CASTOR2: variants seen among roughly 807,000 people sequenced by gnomAD.
CASTOR2 encodes cytosolic arginine sensor for mTORC1 subunit 2.
Under a neutral mutation model 31.2 loss-of-function variants are expected in CASTOR2, and 8 were observed. The observed-to-expected ratio is 0.26, with a 90% CI of 0.15 to 0.46. The LOEUF (loss-of-function observed/expected upper bound fraction) is 0.46, where lower values mean the gene tolerates loss of function less well. CASTOR2 is among the 20% of genes least tolerant of loss of function. The pLI is 0.99. For synonymous variants in CASTOR2, 162 were observed against 158.7 expected (o/e 1.02, Z -0.16); for missense variants, 216 against 382.1 (o/e 0.57, Z 3.62).
chr7:75,005,657 G>C (rs1305618689), intron 1 of CASTOR2, among the ~76,000 whole-genome samples: 1 of 152,210 alleles, frequency 6.6e-6, no homozygotes, highest in Non-Finnish European at 1.5e-5. Context: ...CCAGGAGCAG[G>C]ATAGCTGAGG....
chr7:74,995,378 G>A (rs1424132652), intron 1 of CASTOR2, among the ~76,000 whole-genome samples: 3 of 151,622 alleles, frequency 2.0e-5, no homozygotes, highest in Non-Finnish European at 2.9e-5. Context: ...TGGACAGGTC[G>A]GGCACAGTGG....
chr7:75,031,456 T>G lies in CASTOR2; in HGVS notation c.*6757T>G, dbSNP rs1396705764. Among the ~76,000 whole-genome samples the G allele has an allele frequency of 2.0e-5, 3 of 151,960 alleles. No homozygotes were observed. The highest frequency in any genetic ancestry group is 4.4e-5 in the Non-Finnish European group (3 of 67,996). On this transcript the variant is annotated 3_prime_UTR_variant, in exon 9 of 9. Transcript: ENST00000616305. ...GTACTGTATGTTGGAGAAAAAAAAT[T>G]ACCTAATGTTCCCCCAAAAAAGACA...
intron 1 of CASTOR2, among the ~76,000 whole-genome samples, chr7:75,000,810 C>T (rs1376236005): frequency 6.6e-6 from 1 of 152,098 alleles, no homozygotes; most frequent in African/African-American, 2.4e-5. Flanking sequence ...TGTGCACCAC[C>T]ACACCTGGCT....
chr7:75,017,815 C>A, intron 3 of CASTOR2, 24 bp downstream of exon 3: 1 of 1,613,984 alleles, frequency 6.2e-7, no homozygotes, highest in Non-Finnish European at 8.5e-7. Context: ...CACAGACACG[C>A]CTTGCACACT....
At chr7:74,986,902 A>G (rs1804080004) in intron 1 of CASTOR2, among the ~76,000 whole-genome samples, 2 of 152,096 alleles carry the variant, frequency 1.3e-5, no homozygotes, top group Middle Eastern at 3.4e-3. Context: ...TTAAATTTTT[A>G]AAAATTAGCC....
rs1434096319 is a variant in CASTOR2 at position 75,030,672 on chromosome 7, G to A, written c.*5973G>A. Reference sequence around the variant, plus strand: ...TGAGTGTCTTCACAATATGGCGCTCGGCTTCCCCCCAGAGCAAGAGATTCA... The same window carrying A: ...TGAGTGTCTTCACAATATGGCGCTCAGCTTCCCCCCAGAGCAAGAGATTCA... On this transcript the variant is annotated 3_prime_UTR_variant, in exon 9 of 9. Coordinates refer to ENST00000616305, the MANE Select transcript of CASTOR2 (RefSeq NM_001145064.3). Among the ~76,000 whole-genome samples the A allele has an allele frequency of 2.0e-5, 3 of 152,230 alleles. No individual in the cohort carries two copies. Among genetic ancestry groups the A allele is most frequent in the Admixed American group, 6.5e-5 (1 of 15,296 alleles).
In CASTOR2 at chr7:75,029,726, C is replaced by T. The variant is rs1805248741; in HGVS notation, c.*5027C>T. Reference sequence around the variant, plus strand: ...GCACCCCCAACCTTCTAGTCCGCTCCGAGCAGGGCCTGGAGCATTGGAGAC... The same window carrying T: ...GCACCCCCAACCTTCTAGTCCGCTCTGAGCAGGGCCTGGAGCATTGGAGAC... On this transcript the variant is annotated 3_prime_UTR_variant, in exon 9 of 9. Coordinates refer to ENST00000616305, the MANE Select transcript of CASTOR2 (RefSeq NM_001145064.3). Among the ~76,000 whole-genome samples the T allele has an allele frequency of 1.3e-5, 2 of 152,156 alleles. No individual in the cohort carries two copies. Among genetic ancestry groups the T allele is most frequent in the Non-Finnish European group, 2.9e-5 (2 of 68,036 alleles).
chr7:75,006,975 G>A (rs1329480825), intron 1 of CASTOR2, among the ~76,000 whole-genome samples: 12 of 152,144 alleles, frequency 7.9e-5, no homozygotes, highest in African/African-American at 2.4e-4. Context: ...AATACACCTG[G>A]GTTACTCATG....
chr7:75,007,414 T>A (rs1449479359), intron 1 of CASTOR2, among the ~76,000 whole-genome samples: 1 of 152,140 alleles, frequency 6.6e-6, no homozygotes, highest in Non-Finnish European at 1.5e-5. Flanking sequence ...TCAGAGATGA[T>A]GTGAGGTGGG....
In CASTOR2 at chr7:75,029,636, G is replaced by A. The variant is rs935502546; in HGVS notation, c.*4937G>A. Among the ~76,000 whole-genome samples, 6 of 150,938 alleles carry A rather than the reference G, an allele frequency of 4.0e-5. No homozygotes were observed. Among genetic ancestry groups the A allele is most frequent in the Non-Finnish European group, 3.0e-5 (2 of 67,784 alleles). On this transcript the variant is annotated 3_prime_UTR_variant, in exon 9 of 9. Transcript: ENST00000616305. ...TGGGATTACAGGCATGAGATACCCC[G>A]CCTGGCCAATGGGATTTTTGACGCC...
chr7:75,004,048 G>A (rs1202488995), intron 1 of CASTOR2, among the ~76,000 whole-genome samples: 3 of 152,174 alleles, frequency 2.0e-5, no homozygotes, highest in Non-Finnish European at 4.4e-5. Context: ...GTCCCTCAGA[G>A]CCGAGGGCGC....
chr7:75,020,490 ATTTT>A (rs587738996), intron 6 of CASTOR2, among the ~76,000 whole-genome samples: 1 of 84,398 alleles, frequency 1.2e-5, no homozygotes, highest in Non-Finnish European at 2.4e-5. Flanking sequence ...CTCAGGCGTG[ATTTT>A]TTTTTTTTTT....
At chr7:75,022,982 A>G (rs1805040371) in intron 7 of CASTOR2, among the ~76,000 whole-genome samples, 1 of 152,106 alleles carries the variant, frequency 6.6e-6, no homozygotes, top group African/African-American at 2.4e-5. Flanking sequence ...CTGACACCCA[A>G]CACTTTACTC....
chr7:74,977,020 A>C (rs1554435793), intron 1 of CASTOR2, among the ~76,000 whole-genome samples: 1 of 150,824 alleles, frequency 6.6e-6, no homozygotes, highest in East Asian at 2.0e-4. Flanking sequence ...CCCTGACTCT[A>C]CCAAAAATAC....
chr7:75,020,057 C>T lies in CASTOR2; in HGVS notation c.654C>T (p.Ala218=), dbSNP rs1804956669. The change falls in exon 6 of 9, where the codon GCC becomes GCT. Residue 218 remains alanine, a synonymous_variant. Coordinates refer to ENST00000616305, the MANE Select transcript of CASTOR2 (RefSeq NM_001145064.3). ...FYSNGVKDPM[A]TGDDCGHIRF... ...TCCCCAGAGTGAAGGACCCCATGGCCACTGGGGATGACTGCGGCCACATCC... is the reference window on the plus strand; with the variant it reads ...TCCCCAGAGTGAAGGACCCCATGGCTACTGGGGATGACTGCGGCCACATCC... 1 of 1,551,446 alleles carries T rather than the reference C, an allele frequency of 6.4e-7. No individual in the cohort carries two copies. Among genetic ancestry groups the T allele is most frequent in the Non-Finnish European group, 8.7e-7 (1 of 1,146,828 alleles).
chr7:75,022,031 G>A, intron 7 of CASTOR2, 75 bp downstream of exon 7: 1 of 1,523,930 alleles, frequency 6.6e-7, no homozygotes, highest in Non-Finnish European at 8.9e-7. Context: ...GTTGTCCGCA[G>A]TGACTCGGCC....
intron 1 of CASTOR2, among the ~76,000 whole-genome samples, chr7:74,998,522 G>A (rs1409286648): frequency 6.6e-6 from 1 of 150,806 alleles, no homozygotes; most frequent in African/African-American, 2.4e-5. Context: ...AGAATCGCTT[G>A]AACATGGGAG....
intron 7 of CASTOR2, among the ~76,000 whole-genome samples, chr7:75,023,500 A>G (rs1488282639): frequency 1.5e-4 from 20 of 132,544 alleles, no homozygotes; most frequent in African/African-American, 4.3e-4. Context: ...TTGAGACCGG[A>G]TCTTGCTCTG....
intron 1 of CASTOR2, among the ~76,000 whole-genome samples, chr7:74,967,454 G>T (rs1803590539): frequency 6.7e-6 from 1 of 148,154 alleles, no homozygotes; most frequent in Non-Finnish European, 1.5e-5. Flanking sequence ...GTGACCCATA[G>T]CTCTGTCACT....
Sources: gnomAD v4.1 joint callset for allele counts (sites outside exome capture counted in the v4.1 genomes callset) on GRCh38, gnomAD v4.1.1 for gene constraint, MANE v1.5 for transcripts, NCBI Gene and HGNC (gene_info 2026-07-23, HGNC 2026-07-21) for gene names.